CNTN3: variants seen among roughly 807,000 people sequenced by gnomAD.
The protein encoded by CNTN3 is contactin-3.
Under a neutral mutation model 119.1 loss-of-function variants are expected in CNTN3, and 60 were observed. That is an observed-to-expected ratio of 0.50 (90% CI 0.41 to 0.62). The LOEUF is 0.62. CNTN3 is among the 20% of genes least tolerant of loss of function. The probability of loss-of-function intolerance (pLI) is 0.00; values close to 1 mark genes in which losing one functional copy is unlikely to be tolerated. For missense variants in CNTN3, 1,101 were observed against 1,242.4 expected (o/e 0.89, Z 1.71); for synonymous variants, 450 against 438.7 (o/e 1.03, Z -0.32).
intron 3 of CNTN3, among the ~76,000 whole-genome samples, chr3:74,491,819 C>A (rs1396468121): frequency 6.6e-6 from 1 of 152,074 alleles, no homozygotes; most frequent in African/African-American, 2.4e-5. Flanking sequence ...TAAAAGTTCA[C>A]CAGGAACTCT....
chr3:74,495,560 T>A (rs988586198), intron 3 of CNTN3, among the ~76,000 whole-genome samples: 4 of 152,012 alleles, frequency 2.6e-5, no homozygotes, highest in African/African-American at 9.7e-5. Flanking sequence ...TGTGTCAATA[T>A]ATAGACAAGA....
chr3:74,613,207 A>T (rs1705111375), intron 1 of CNTN3, among the ~76,000 whole-genome samples: 1 of 150,148 alleles, frequency 6.7e-6, no homozygotes, highest in Admixed American at 6.6e-5. Context: ...ATTCTTTTTC[A>T]GCTAGTGTGA....
intron 5 of CNTN3, among the ~76,000 whole-genome samples, chr3:74,407,630 C>A (rs992027781): frequency 2.4e-4 from 37 of 152,020 alleles, no homozygotes; most frequent in African/African-American, 8.4e-4. Flanking sequence ...AAACTTGCTT[C>A]TTAAAATAGC....
At chr3:74,321,474 C>A (rs1053746266) in intron 13 of CNTN3, among the ~76,000 whole-genome samples, 19 of 151,810 alleles carry the variant, frequency 1.3e-4, no homozygotes, top group African/African-American at 4.1e-4. Context: ...GAGCCAAAAC[C>A]AATAATCTAA....
chr3:74,319,477 A>T (rs1171454119), intron 13 of CNTN3, among the ~76,000 whole-genome samples: 1 of 152,152 alleles, frequency 6.6e-6, no homozygotes. Context: ...AGAAAGCTGA[A>T]ACTGGATCCC....
intron 4 of CNTN3, among the ~76,000 whole-genome samples, chr3:74,444,687 G>C (rs1418057770): frequency 1.3e-5 from 2 of 152,052 alleles, no homozygotes; most frequent in Non-Finnish European, 1.5e-5. Context: ...CTAATTGTCA[G>C]TTTAATGAAG....
intron 4 of CNTN3, among the ~76,000 whole-genome samples, chr3:74,486,102 C>A (rs1480324974): frequency 6.6e-6 from 1 of 151,928 alleles, no homozygotes; most frequent in Admixed American, 6.6e-5. Flanking sequence ...GCATTTTTTT[C>A]CACAGTAAAA....
chr3:74,424,593 G>A (rs1373563576), intron 5 of CNTN3, among the ~76,000 whole-genome samples: 3 of 152,040 alleles, frequency 2.0e-5, no homozygotes, highest in Non-Finnish European at 2.9e-5. Flanking sequence ...GTTTAGCACC[G>A]TTAGGTGACT....
intron 1 of CNTN3, among the ~76,000 whole-genome samples, chr3:74,546,978 T>A (rs12633165): frequency 0.14 from 20,886 of 152,194 alleles, 1,554 homozygotes; most frequent in East Asian, 0.31. Flanking sequence ...ACTTTTTATT[T>A]TATGACTTAT....
At chr3:74,559,581 G>A (rs1704121438) in intron 1 of CNTN3, among the ~76,000 whole-genome samples, 1 of 146,738 alleles carries the variant, frequency 6.8e-6, no homozygotes, top group African/African-American at 2.5e-5. Context: ...AAAATAAAAT[G>A]AGACACACAC....
chr3:74,392,990 C>A (rs1704953645), intron 5 of CNTN3, among the ~76,000 whole-genome samples: 1 of 151,950 alleles, frequency 6.6e-6, no homozygotes, highest in African/African-American at 2.4e-5. Flanking sequence ...TGTTATATAT[C>A]TAATTACCTA....
chr3:74,408,329 C>T (rs1258600243), intron 5 of CNTN3, among the ~76,000 whole-genome samples: 1 of 152,034 alleles, frequency 6.6e-6, no homozygotes, highest in Non-Finnish European at 1.5e-5. Flanking sequence ...ATGTTGTAGG[C>T]CTTTAATAAA....
chr3:74,461,063 G>A (rs1484975523), intron 4 of CNTN3, among the ~76,000 whole-genome samples: 1 of 151,534 alleles, frequency 6.6e-6, no homozygotes, highest in African/African-American at 2.4e-5. Context: ...TATAGGTATT[G>A]AATTTTATCA....
chr3:74,427,229 C>T (rs1487477217), intron 4 of CNTN3, among the ~76,000 whole-genome samples: 1 of 152,096 alleles, frequency 6.6e-6, no homozygotes, highest in Non-Finnish European at 1.5e-5. Context: ...TGTAATGGCA[C>T]ATTGTAAGTG....
At position 74,328,599 on chromosome 3, in the gene CNTN3, A is replaced by G. The variant is rs115107436; in HGVS notation, c.1668+6136T>C. On this transcript the variant is annotated intron_variant, in intron 13 of 22. Coordinates refer to ENST00000263665, the MANE Select transcript of CNTN3 (RefSeq NM_020872.3). ...GGATTTCCACTGGGGATGGCTTTGGACTATTCATCTTCATAAATATTGTAC... is the reference window on the plus strand; with the variant it reads ...GGATTTCCACTGGGGATGGCTTTGGGCTATTCATCTTCATAAATATTGTAC... Among the ~76,000 whole-genome samples the G allele has an allele frequency of 2.9e-3, 443 of 152,230 alleles. 4 individuals carry two copies. The highest frequency in any genetic ancestry group is 9.3e-3 in the African/African-American group (386 of 41,564).
At chr3:74,334,268 G>C (rs12634243) in intron 13 of CNTN3, among the ~76,000 whole-genome samples, 84,418 of 151,942 alleles carry the variant, frequency 0.56, 25,050 homozygotes, top group Middle Eastern at 0.73. Context: ...TTGTGCACCT[G>C]TACAATGAAG....
intron 1 of CNTN3, among the ~76,000 whole-genome samples, chr3:74,562,663 T>TTCCACACTGAAGCCAC (rs1421324933): frequency 6.6e-6 from 1 of 152,128 alleles, no homozygotes; most frequent in East Asian, 1.9e-4. Flanking sequence ...CCTCCTCTGC[T>TTCCACACTGAAGCCAC]ACCATGGCTT....
chr3:74,482,341 T>G (rs147672068), intron 4 of CNTN3, among the ~76,000 whole-genome samples: 2 of 152,066 alleles, frequency 1.3e-5, no homozygotes, highest in African/African-American at 4.8e-5. Flanking sequence ...TATTAACATA[T>G]TAAAGAAAGA....
chr3:74,595,575 C>A (rs909872498), intron 1 of CNTN3, among the ~76,000 whole-genome samples: 1 of 152,024 alleles, frequency 6.6e-6, no homozygotes, highest in African/African-American at 2.4e-5. Context: ...ATAAACAGAA[C>A]CAAAGACAAA....
Sources: allele counts gnomAD v4.1 joint callset (sites outside exome capture counted in the v4.1 genomes callset), GRCh38; gene constraint gnomAD v4.1.1; transcripts MANE v1.5; gene names NCBI Gene and HGNC (gene_info 2026-07-23, HGNC 2026-07-21).